The following POU6F2 variants were observed in gnomAD, a reference collection of about 807,000 sequenced individuals.
POU6F2 encodes the protein POU domain, class 6, transcription factor 2.
A neutral mutation model predicts 71.3 loss-of-function variants in POU6F2; 31 were observed. The observed-to-expected ratio is 0.43, with a 90% CI of 0.33 to 0.59. The LOEUF is 0.59. Among genes scored for constraint, POU6F2 ranks in the 20% least tolerant of loss-of-function variants. POU6F2 has a pLI of 0.04. For synonymous variants in POU6F2, 347 were observed against 355.7 expected, an observed-to-expected ratio of 0.98 and a Z score of 0.27; for missense variants, 783 against 856.8, an observed-to-expected ratio of 0.91 and a Z score of 1.07.
chr7:39,125,386 C>A (rs1792121263), intron 2 of POU6F2, among the ~76,000 whole-genome samples: 1 of 152,154 alleles, frequency 6.6e-6, no homozygotes. Context: ...GTGTCCTTCA[C>A]CCTTTCCTCC....
At chr7:39,099,236 AAAT>A (rs1334073730) in intron 2 of POU6F2, among the ~76,000 whole-genome samples, 1 of 152,246 alleles carries the variant, frequency 6.6e-6, no homozygotes, top group Non-Finnish European at 1.5e-5. Context: ...GCGATTTTAA[AAAT>A]AATGTTGGCC....
At chr7:39,196,351 G>A (rs1793787076) in intron 2 of POU6F2, among the ~76,000 whole-genome samples, 1 of 152,162 alleles carries the variant, frequency 6.6e-6, no homozygotes. Flanking sequence ...TGTTTAGGAG[G>A]TCATTCATAA....
chr7:39,289,464 G>A (rs923567623), intron 4 of POU6F2, among the ~76,000 whole-genome samples: 2 of 152,174 alleles, frequency 1.3e-5, no homozygotes, highest in Non-Finnish European at 2.9e-5. Context: ...TTACCTAAAA[G>A]CGGGACTTCA....
intron 4 of POU6F2, among the ~76,000 whole-genome samples, chr7:39,209,108 T>C (rs924708650): frequency 6.6e-6 from 1 of 152,202 alleles, no homozygotes; most frequent in Non-Finnish European, 1.5e-5. Context: ...TCTTAAGATA[T>C]TAGTACCTGT....
intron 4 of POU6F2, among the ~76,000 whole-genome samples, chr7:39,298,201 A>G (rs1383581394): frequency 6.6e-6 from 1 of 152,250 alleles, no homozygotes; most frequent in Non-Finnish European, 1.5e-5. Context: ...GCACAGCAAA[A>G]GAAACTAGCA....
chr7:38,983,832 CA>C (rs1260825687), intron 1 of POU6F2, among the ~76,000 whole-genome samples: 3 of 151,958 alleles, frequency 2.0e-5, no homozygotes, highest in African/African-American at 7.2e-5. Context: ...TAAGTAATAG[CA>C]AAATAATTGA....
At chr7:39,065,646 T>C (rs906417575) in intron 1 of POU6F2, among the ~76,000 whole-genome samples, 1 of 149,634 alleles carries the variant, frequency 6.7e-6, no homozygotes, top group African/African-American at 2.5e-5. Context: ...GATGTTAAAG[T>C]GATAAAATAA....
chr7:39,023,008 T>G (rs549407973), intron 1 of POU6F2, among the ~76,000 whole-genome samples: 2 of 152,228 alleles, frequency 1.3e-5, no homozygotes, highest in South Asian at 4.1e-4. Context: ...GCACTTAGTA[T>G]GGTCAGTCTT....
chr7:38,979,401 G>T (rs1337184531), intron 1 of POU6F2, among the ~76,000 whole-genome samples: 1 of 152,118 alleles, frequency 6.6e-6, no homozygotes, highest in African/African-American at 2.4e-5. Context: ...TGTATTTTTA[G>T]ATGGAAAATG....
At chr7:39,382,620 TA>T (rs1786853170) in intron 5 of POU6F2, among the ~76,000 whole-genome samples, 1 of 152,044 alleles carries the variant, frequency 6.6e-6, no homozygotes, top group Non-Finnish European at 1.5e-5. Context: ...GTTGGAAGAT[TA>T]AAGGTTGGAG....
intron 7 of POU6F2, among the ~76,000 whole-genome samples, chr7:39,436,608 C>T (rs1055701480): frequency 2.6e-5 from 4 of 152,112 alleles, no homozygotes; most frequent in African/African-American, 7.2e-5. Context: ...TTTGAATACC[C>T]TTTATTTTCC....
chr7:39,315,524 C>G (rs1221946093), intron 4 of POU6F2, among the ~76,000 whole-genome samples: 1 of 152,194 alleles, frequency 6.6e-6, no homozygotes, highest in Admixed American at 6.5e-5. Flanking sequence ...TAAATGGCCA[C>G]TGGTTTATGG....
At chr7:39,456,748 A>G (rs536703540) in intron 8 of POU6F2, among the ~76,000 whole-genome samples, 2 of 152,328 alleles carry the variant, frequency 1.3e-5, no homozygotes, top group East Asian at 1.9e-4. Context: ...GCAGTCAACA[A>G]ATTTTGCAGA....
chr7:39,311,295 A>C lies in POU6F2; in HGVS notation c.599-28347A>C, dbSNP rs182833300. On this transcript the variant is annotated intron_variant, in intron 4 of 9. Transcript: ENST00000518318. ...CAGGTTCTAAAAAATTAAAAAAAAA[A>C]ACAAACACCAAGTCATATCACCCCT... Among the ~76,000 whole-genome samples the C allele has an allele frequency of 2.4e-3, 365 of 150,588 alleles. 1 individual carries two copies. Among genetic ancestry groups the C allele is most frequent in the Admixed American group, 3.8e-3 (58 of 15,154 alleles).
At chr7:39,247,643 C>G (rs1312293056) in intron 4 of POU6F2, among the ~76,000 whole-genome samples, 1 of 152,192 alleles carries the variant, frequency 6.6e-6, no homozygotes, top group Non-Finnish European at 1.5e-5. Flanking sequence ...AACGTAGTCA[C>G]TGAAGTATCA....
chr7:39,406,236 A>G (rs1787423513), intron 5 of POU6F2: 1 of 208,078 alleles, frequency 4.8e-6, no homozygotes. Flanking sequence ...CTGTCTGGTT[A>G]CCTCAGGGAA....
intron 6 of POU6F2, among the ~76,000 whole-genome samples, chr7:39,431,741 C>A (rs552917859): frequency 6.6e-6 from 1 of 152,280 alleles, no homozygotes; most frequent in East Asian, 1.9e-4. Context: ...TCCCTGTGCC[C>A]CTGTGTCTTG....
rs754399260 is a variant in POU6F2, at chr7:39,339,682, C to CAGCAG, written c.639_640insAGCAG (p.Gln214SerfsTer119). 7.7e-5 allele frequency: 123 copies of CAGCAG among 1,603,474 alleles called. No individual in the cohort carries two copies. Among genetic ancestry groups the CAGCAG allele is most frequent in the South Asian group, 2.2e-5 (2 of 90,476 alleles). On this transcript the variant is annotated frameshift_variant, in exon 5 of 10. Transcript: ENST00000518318. LOFTEE classifies it high-confidence loss of function. ...ACTCCCAGCTCCAGCAGCTCCAGCT[C>CAGCAG]CAGCTCCAGCAGCAGCAGCAGCAGC...
At chr7:39,419,087 ATATGTGTATATATACACATATATACG>A (rs1787776933) in intron 6 of POU6F2, among the ~76,000 whole-genome samples, 2 of 75,728 alleles carry the variant, frequency 2.6e-5, no homozygotes, top group African/African-American at 1.0e-4. Context: ...ATATATACGT[ATATGTGTATATATACACATATATACG>A]TATATATGTG....
Sources: allele counts gnomAD v4.1 joint callset (sites outside exome capture counted in the v4.1 genomes callset), GRCh38; gene constraint gnomAD v4.1.1; transcripts MANE v1.5; gene names NCBI Gene and HGNC (gene_info 2026-07-23, HGNC 2026-07-21).